The following ADAMTS16 variants were observed in gnomAD, a reference collection of about 807,000 sequenced individuals.
The protein encoded by ADAMTS16 is ADAM metallopeptidase with thrombospondin type 1 motif 16.
ADAMTS16 carries 94 observed loss-of-function variants against 145.8 expected under a neutral mutation model. The ratio of observed to expected loss-of-function variants is 0.64; its 90% CI spans 0.55 to 0.77. The LOEUF is 0.77. Among genes scored for constraint, ADAMTS16 ranks in the 30% least tolerant of loss-of-function variants. ADAMTS16 has a pLI of 0.00. For synonymous variants in ADAMTS16, 659 were observed against 604.3 expected (o/e 1.09, Z -1.33); for missense variants, 1,585 against 1,591.5 (o/e 1.00, Z 0.07).
At chr5:5,297,290 G>C (rs1739580867) in intron 18 of ADAMTS16, among the ~76,000 whole-genome samples, 1 of 152,158 alleles carries the variant, frequency 6.6e-6, no homozygotes, top group Admixed American at 6.5e-5. Flanking sequence ...GTCAACACCA[G>C]ACAGAAGAGA....
chr5:5,216,588 T>C lies in ADAMTS16; in HGVS notation c.1606-6201T>C, dbSNP rs560599858. ...GCATTTGCTTTTGGGTTCTTGGTCA[T>C]GAAATTCTTTTTTTTTTTCTATTTT... On this transcript the variant is annotated intron_variant, in intron 10 of 22. Transcript: ENST00000274181. 4.3e-4 allele frequency among the ~76,000 whole-genome samples: 63 copies of C among 147,516 alleles called. 1 individual carries two copies. Among genetic ancestry groups the C allele is most frequent in the African/African-American group, 1.2e-3 (48 of 39,106 alleles).
chr5:5,315,956 A>G (rs1270041703), intron 21 of ADAMTS16, among the ~76,000 whole-genome samples: 3 of 152,218 alleles, frequency 2.0e-5, no homozygotes, highest in South Asian at 2.1e-4. Flanking sequence ...TCCAGAGGGG[A>G]AAAAAACAGA....
chr5:5,258,047 G>A (rs1278347285), intron 17 of ADAMTS16, among the ~76,000 whole-genome samples: 3 of 152,294 alleles, frequency 2.0e-5, no homozygotes, highest in South Asian at 2.1e-4. Context: ...GCACAGGAGC[G>A]TTTGACCCCT....
rs1017712954 is a variant in ADAMTS16 at position 5,232,490 on chromosome 5, T to C, written c.1824T>C (p.His608=). The stretch of plus-strand genomic sequence containing the variant: ...GGACCTGCGGAGGGGGAGTATCTCA[T>C]AGGAGTCGCCTCTGCACCAACCCCA... ...CSRTCGGGVS[H]RSRLCTNPKP... Residue 608 remains histidine (H), a synonymous_variant, in exon 12 of 23, where the codon CAT becomes CAC. Transcript: ENST00000274181. 1.2e-6 allele frequency: 2 copies of C among 1,613,776 alleles called. No individual in the cohort carries two copies. The highest frequency in any genetic ancestry group is 1.7e-6 in the Non-Finnish European group (2 of 1,179,952).
At chr5:5,141,667 T>A (rs1419151115) in intron 2 of ADAMTS16, among the ~76,000 whole-genome samples, 1 of 152,208 alleles carries the variant, frequency 6.6e-6, no homozygotes, top group Non-Finnish European at 1.5e-5. Flanking sequence ...TTCCAGAAGA[T>A]CTAGAAAATT....
chr5:5,189,446 A>G (rs1228412939), intron 6 of ADAMTS16, among the ~76,000 whole-genome samples: 3 of 152,156 alleles, frequency 2.0e-5, no homozygotes, highest in Non-Finnish European at 4.4e-5. Context: ...TTACCAATTG[A>G]CCCACCTCCT....
intron 3 of ADAMTS16, among the ~76,000 whole-genome samples, chr5:5,176,558 T>C (rs989074676): frequency 1.3e-5 from 2 of 152,126 alleles, no homozygotes; most frequent in Admixed American, 6.5e-5. Context: ...GAAATATGGA[T>C]GTTCTCAGTG....
At chr5:5,182,423 C>A in intron 4 of ADAMTS16, 118 bp downstream of exon 4, 3 of 1,319,590 alleles carry the variant, frequency 2.3e-6, no homozygotes, top group Non-Finnish European at 3.1e-6. Context: ...TATGGACTGT[C>A]GTTGCTAAAC....
At chr5:5,192,400 T>C (rs1735686890) in intron 8 of ADAMTS16, among the ~76,000 whole-genome samples, 1 of 152,194 alleles carries the variant, frequency 6.6e-6, no homozygotes, top group Non-Finnish European at 1.5e-5. Context: ...TGAAGAACAG[T>C]GTCAACCCTC....
At position 5,223,975 on chromosome 5, in the gene ADAMTS16, T is replaced by C. The variant is rs533301266; in HGVS notation, c.1701+1091T>C. Among the ~76,000 whole-genome samples, 3 of 152,204 alleles carry C rather than the reference T, an allele frequency of 2.0e-5. No homozygotes were observed. The East Asian group carries it at 5.8e-4, about 29-fold the overall frequency. ...TTATGTTTAAATACCAAAGAAAATA[T>C]ATCACATCTTATACATATTCGAATG... On this transcript the variant is annotated intron_variant, in intron 11 of 22. Coordinates refer to ENST00000274181, the MANE Select transcript of ADAMTS16 (RefSeq NM_139056.4).
chr5:5,237,593 G>T (rs930393122), intron 14 of ADAMTS16, among the ~76,000 whole-genome samples: 13 of 152,182 alleles, frequency 8.5e-5, no homozygotes, highest in African/African-American at 2.7e-4. Context: ...TTTTTATCCT[G>T]TGTCCATGTA....
At chr5:5,285,364 T>C (rs112419348) in intron 18 of ADAMTS16, among the ~76,000 whole-genome samples, 132 of 152,354 alleles carry the variant, frequency 8.7e-4, no homozygotes, top group Admixed American at 1.7e-3. Context: ...CAGTGGCCAC[T>C]GTGCCCACAT....
At chr5:5,266,627 G>A (rs890770) in intron 18 of ADAMTS16, among the ~76,000 whole-genome samples, 41,992 of 152,062 alleles carry the variant, frequency 0.28, 5,851 homozygotes, top group East Asian at 0.37. Flanking sequence ...CCAAAGGGAC[G>A]TCCTACTTGA....
At chr5:5,141,583 A>C (rs1734170867) in intron 2 of ADAMTS16, among the ~76,000 whole-genome samples, 1 of 152,374 alleles carries the variant, frequency 6.6e-6, no homozygotes, top group East Asian at 1.9e-4. Context: ...TGTTACCAAC[A>C]ATAAATTGCC....
At chr5:5,265,053 A>G (rs1195445150) in intron 18 of ADAMTS16, among the ~76,000 whole-genome samples, 1 of 152,204 alleles carries the variant, frequency 6.6e-6, no homozygotes, top group East Asian at 1.9e-4. Flanking sequence ...TGTGCCTGGA[A>G]TGACACACCA....
intron 17 of ADAMTS16, among the ~76,000 whole-genome samples, chr5:5,250,173 TGGGTCCA>T (rs1560968640): frequency 6.6e-6 from 1 of 152,212 alleles, no homozygotes; most frequent in Non-Finnish European, 1.5e-5. Flanking sequence ...CTTTGCGCTG[TGGGTCCA>T]GGCTTAAGGG....
At chr5:5,230,399 G>A (rs1736887998) in intron 11 of ADAMTS16, among the ~76,000 whole-genome samples, 1 of 152,148 alleles carries the variant, frequency 6.6e-6, no homozygotes, top group Admixed American at 6.5e-5. Flanking sequence ...AATGATTGTA[G>A]GTTTCTAGGT....
At chr5:5,201,506 G>T (rs944152603) in intron 9 of ADAMTS16, among the ~76,000 whole-genome samples, 1 of 151,770 alleles carries the variant, frequency 6.6e-6, no homozygotes, top group African/African-American at 2.4e-5. Flanking sequence ...AAAAAGTAGG[G>T]CAAATACTAA....
chr5:5,147,122 G>A (rs1487840233), intron 3 of ADAMTS16, among the ~76,000 whole-genome samples: 1 of 152,122 alleles, frequency 6.6e-6, no homozygotes, highest in Non-Finnish European at 1.5e-5. Context: ...CATCCCTCAG[G>A]CCTACCCAAG....
Sources: allele counts gnomAD v4.1 joint callset (sites outside exome capture counted in the v4.1 genomes callset), GRCh38; gene constraint gnomAD v4.1.1; transcripts MANE v1.5; gene names NCBI Gene and HGNC (gene_info 2026-07-23, HGNC 2026-07-21).